GALNTL6: variants seen among roughly 807,000 people sequenced by gnomAD.
The protein encoded by GALNTL6 is polypeptide N-acetylgalactosaminyltransferase like 6.
In GALNTL6, 46 loss-of-function variants were observed where a neutral mutation model predicts 73.7. The ratio of observed to expected loss-of-function variants is 0.62; its 90% CI spans 0.49 to 0.80. GALNTL6 has a LOEUF of 0.80. GALNTL6 is among the 30% of genes least tolerant of loss of function. The probability of loss-of-function intolerance (pLI) is 0.00; values close to 1 mark genes in which losing one functional copy is unlikely to be tolerated. For missense variants in GALNTL6, 604 were observed against 755.0 expected, an observed-to-expected ratio of 0.80 and a Z score of 2.34; for synonymous variants, 259 against 263.7, an observed-to-expected ratio of 0.98 and a Z score of 0.17.
chr4:172,168,404 A>AGG (rs1734699795), intron 2 of GALNTL6, among the ~76,000 whole-genome samples: 2 of 152,086 alleles, frequency 1.3e-5, no homozygotes, highest in South Asian at 4.1e-4. Context: ...GCCTCAGCCT[A>AGG]AAGTTTTTAA....
At chr4:172,041,674 T>G (rs1742088949) in intron 2 of GALNTL6, among the ~76,000 whole-genome samples, 1 of 152,092 alleles carries the variant, frequency 6.6e-6, no homozygotes, top group South Asian at 2.1e-4. Flanking sequence ...TTACTTATGG[T>G]ATGCCTGGCC....
At chr4:172,733,970 G>A (rs1187264522) in intron 5 of GALNTL6, among the ~76,000 whole-genome samples, 3 of 152,178 alleles carry the variant, frequency 2.0e-5, no homozygotes, top group Non-Finnish European at 4.4e-5. Flanking sequence ...GATGTGGGAA[G>A]TTTGGAACTT....
intron 5 of GALNTL6, among the ~76,000 whole-genome samples, chr4:172,616,114 T>G (rs1453335392): frequency 6.6e-6 from 1 of 152,174 alleles, no homozygotes; most frequent in East Asian, 1.9e-4. Flanking sequence ...ATAACATATA[T>G]TTCTGTCCCT....
chr4:171,907,847 T>C (rs990636009), intron 2 of GALNTL6, among the ~76,000 whole-genome samples: 11 of 151,890 alleles, frequency 7.2e-5, no homozygotes, highest in African/African-American at 1.2e-4. Context: ...GCCACATATC[T>C]ACAACTATCT....
chr4:171,917,575 A>G (rs1482963642), intron 2 of GALNTL6, among the ~76,000 whole-genome samples: 1 of 152,068 alleles, frequency 6.6e-6, no homozygotes, highest in African/African-American at 2.4e-5. Flanking sequence ...TTTCTCTTCC[A>G]AAATATTACT....
chr4:172,379,535 T>TGAAA (rs1743187180), intron 5 of GALNTL6, among the ~76,000 whole-genome samples: 1 of 3,126 alleles, frequency 3.2e-4, no homozygotes, highest in African/African-American at 4.7e-4. Flanking sequence ...AGACTCCGTC[T>TGAAA]CAAAAAAAAA....
intron 2 of GALNTL6, among the ~76,000 whole-genome samples, chr4:172,054,680 G>A (rs979056369): frequency 6.6e-6 from 1 of 152,080 alleles, no homozygotes; most frequent in African/African-American, 2.4e-5. Flanking sequence ...ATAACATTGA[G>A]GGTTACGTTT....
In GALNTL6 at chr4:172,580,374, G is replaced by A. The variant is rs574810692; in HGVS notation, c.554-228987G>A. ...TTGACTAAATATATGTCAAAAAGAAGCAAAACAACTTGTATTTAAAAAATC... is the reference window on the plus strand; with the variant it reads ...TTGACTAAATATATGTCAAAAAGAAACAAAACAACTTGTATTTAAAAAATC... On this transcript the variant is annotated intron_variant, in intron 5 of 12. Coordinates refer to ENST00000506823, the MANE Select transcript of GALNTL6 (RefSeq NM_001034845.3). Among the ~76,000 whole-genome samples, 72 of 152,132 alleles carry A rather than the reference G, an allele frequency of 4.7e-4. 1 individual carries two copies. The highest frequency in any genetic ancestry group is 3.4e-3 in the Middle Eastern group (1 of 294).
intron 3 of GALNTL6, among the ~76,000 whole-genome samples, chr4:172,289,699 T>C (rs1739395106): frequency 6.6e-6 from 1 of 152,142 alleles, no homozygotes. Flanking sequence ...ACAAAGCCCA[T>C]CTATTTGATG....
chr4:172,060,925 T>A (rs1020861874), intron 2 of GALNTL6, among the ~76,000 whole-genome samples: 1 of 152,176 alleles, frequency 6.6e-6, no homozygotes, highest in Non-Finnish European at 1.5e-5. Flanking sequence ...CCATATTACA[T>A]GGGCTCTAAG....
intron 5 of GALNTL6, among the ~76,000 whole-genome samples, chr4:172,758,118 C>T: frequency 6.6e-6 from 1 of 152,310 alleles, no homozygotes; most frequent in African/African-American, 2.4e-5. Flanking sequence ...TATGTGCACA[C>T]AACCACCTAT....
intron 2 of GALNTL6, among the ~76,000 whole-genome samples, chr4:172,161,578 G>T (rs1734469075): frequency 6.6e-6 from 1 of 151,928 alleles, no homozygotes; most frequent in South Asian, 2.1e-4. Flanking sequence ...CAAGATCTTA[G>T]AAGAGTCAAG....
chr4:172,650,252 GT>G (rs1740416730), intron 5 of GALNTL6, among the ~76,000 whole-genome samples: 1 of 152,086 alleles, frequency 6.6e-6, no homozygotes, highest in South Asian at 2.1e-4. Flanking sequence ...AAGGTACTGT[GT>G]TTTTAAAAAG....
chr4:172,503,561 T>C (rs1734342227), intron 5 of GALNTL6, among the ~76,000 whole-genome samples: 1 of 147,410 alleles, frequency 6.8e-6, no homozygotes, highest in Non-Finnish European at 1.5e-5. Context: ...TATTAGTTTT[T>C]TGTGAAAAGA....
chr4:172,365,771 C>A (rs1742537080), intron 5 of GALNTL6, among the ~76,000 whole-genome samples: 1 of 150,640 alleles, frequency 6.6e-6, no homozygotes, highest in Non-Finnish European at 1.5e-5. Context: ...TAAGTAAGGA[C>A]AAAAGGTCCT....
intron 7 of GALNTL6, among the ~76,000 whole-genome samples, chr4:172,831,460 G>T (rs767802306): frequency 6.6e-6 from 1 of 152,148 alleles, no homozygotes; most frequent in South Asian, 2.1e-4. Context: ...GGAGAGGGGC[G>T]TCAAGAAAAG....
chr4:172,597,215 T>A (rs1209462286), intron 5 of GALNTL6, among the ~76,000 whole-genome samples: 2 of 152,168 alleles, frequency 1.3e-5, no homozygotes, highest in East Asian at 1.9e-4. Flanking sequence ...CCAGGGGACA[T>A]CAATTGGATA....
chr4:172,845,862 T>C (rs992372054), intron 7 of GALNTL6, among the ~76,000 whole-genome samples: 1 of 152,218 alleles, frequency 6.6e-6, no homozygotes, highest in Non-Finnish European at 1.5e-5. Context: ...ATTTGTGTAA[T>C]GTTTAAATTG....
chr4:171,998,065 C>T (rs555006346), intron 2 of GALNTL6, among the ~76,000 whole-genome samples: 1 of 152,238 alleles, frequency 6.6e-6, no homozygotes, highest in African/African-American at 2.4e-5. Context: ...TCTTTTACCC[C>T]ATTAGATATT....
Sources: gnomAD v4.1 joint callset for allele counts (sites outside exome capture counted in the v4.1 genomes callset) on GRCh38, gnomAD v4.1.1 for gene constraint, MANE v1.5 for transcripts, NCBI Gene and HGNC (gene_info 2026-07-23, HGNC 2026-07-21) for gene names.